The following TBC1D19 variants were observed in gnomAD, a reference collection of about 807,000 sequenced individuals.
TBC1D19 encodes the protein TBC1 domain family member 19.
A neutral mutation model predicts 89.0 loss-of-function variants in TBC1D19; 60 were observed. That is an observed-to-expected ratio of 0.67 (90% CI 0.55 to 0.84). The LOEUF (loss-of-function observed/expected upper bound fraction) is 0.84, where lower values mean the gene tolerates loss of function less well. TBC1D19 is among the 40% of genes least tolerant of loss of function. The pLI is 0.00. For synonymous variants in TBC1D19, 189 were observed against 199.7 expected (o/e 0.95, Z 0.45); for missense variants, 500 against 610.8 (o/e 0.82, Z 1.91).
the TBC1D19 span, among the ~76,000 whole-genome samples, chr4:26,828,989 T>C: frequency 1.3e-5 from 2 of 152,230 alleles, no homozygotes; most frequent in East Asian, 3.8e-4. Flanking sequence ...TTAGTCACTG[T>C]ATTTACAACT....
chr4:26,851,716 CT>C, the TBC1D19 span, among the ~76,000 whole-genome samples: 1 of 152,084 alleles, frequency 6.6e-6, no homozygotes, highest in African/African-American at 2.4e-5. Context: ...AGTACGAGTT[CT>C]TTTTTTATTT....
At chr4:26,588,426 G>C (rs1387001175) in intron 1 of TBC1D19, among the ~76,000 whole-genome samples, 1 of 151,766 alleles carries the variant, frequency 6.6e-6, no homozygotes, top group African/African-American at 2.4e-5. Flanking sequence ...GTTTTCAATC[G>C]CTCTGATTTT....
At chr4:26,700,618 T>G (rs1715240910) in intron 13 of TBC1D19, among the ~76,000 whole-genome samples, 1 of 152,222 alleles carries the variant, frequency 6.6e-6, no homozygotes, top group Non-Finnish European at 1.5e-5. Context: ...ACAGATTGTT[T>G]ATTCTTTTTA....
intron 1 of TBC1D19, among the ~76,000 whole-genome samples, chr4:26,585,576 C>T (rs1248958961): frequency 6.6e-6 from 1 of 151,922 alleles, no homozygotes; most frequent in Non-Finnish European, 1.5e-5. Flanking sequence ...TATTTTCTCC[C>T]AGTCTGTGGA....
chr4:26,699,148 A>T (rs1377805518), intron 13 of TBC1D19, among the ~76,000 whole-genome samples: 1 of 152,222 alleles, frequency 6.6e-6, no homozygotes, highest in Admixed American at 6.5e-5. Flanking sequence ...ATCTACAAAG[A>T]ACTCAAACAA....
At chr4:26,635,161 G>C (rs1313869926) in intron 4 of TBC1D19, among the ~76,000 whole-genome samples, 1 of 152,026 alleles carries the variant, frequency 6.6e-6, no homozygotes, top group Non-Finnish European at 1.5e-5. Flanking sequence ...ATTTTATTGT[G>C]ATCATTTAAT....
chr4:26,640,520 A>G (rs1446508038), intron 7 of TBC1D19, among the ~76,000 whole-genome samples: 3 of 152,172 alleles, frequency 2.0e-5, no homozygotes, highest in Admixed American at 6.5e-5. Context: ...CTGCATTTCT[A>G]ACTGAGGCAC....
intron 19 of TBC1D19, among the ~76,000 whole-genome samples, chr4:26,753,344 A>G (rs960941253): frequency 6.6e-6 from 1 of 152,158 alleles, no homozygotes; most frequent in African/African-American, 2.4e-5. Flanking sequence ...TAAGACAGTC[A>G]TTAGGCCAGG....
At chr4:26,741,355 T>A in intron 17 of TBC1D19, among the ~76,000 whole-genome samples, 1 of 106,646 alleles carries the variant, frequency 9.4e-6, no homozygotes. Flanking sequence ...AGAGCGAGAC[T>A]CTGTCTCAAA....
chr4:26,754,212 A>C, intron 20 of TBC1D19: 1 of 218,174 alleles, frequency 4.6e-6, no homozygotes, highest in Non-Finnish European at 9.3e-6. Flanking sequence ...TCCATGCATT[A>C]TTTTCACAGA....
the TBC1D19 span, among the ~76,000 whole-genome samples, chr4:26,771,749 T>C: frequency 1.3e-5 from 2 of 152,202 alleles, no homozygotes; most frequent in Admixed American, 6.5e-5. Context: ...CATTGTGCTA[T>C]AGTCAACAAT....
chr4:26,614,886 C>T (rs1410310322), intron 3 of TBC1D19, among the ~76,000 whole-genome samples: 1 of 152,086 alleles, frequency 6.6e-6, no homozygotes, highest in Non-Finnish European at 1.5e-5. Context: ...CCATGTTGGC[C>T]AGTCTAGTCT....
At chr4:26,655,681 A>C (rs1744749517) in intron 7 of TBC1D19, among the ~76,000 whole-genome samples, 1 of 152,218 alleles carries the variant, frequency 6.6e-6, no homozygotes, top group South Asian at 2.1e-4. Flanking sequence ...CAGGCACGGG[A>C]TACAATATCC....
At chr4:26,679,258 T>A (rs1230532999) in intron 11 of TBC1D19, among the ~76,000 whole-genome samples, 1 of 152,108 alleles carries the variant, frequency 6.6e-6, no homozygotes, top group East Asian at 1.9e-4. Context: ...GCCCCCCTGC[T>A]CTGTGCAGCC....
At chr4:26,695,225 G>A (rs1377399663) in intron 13 of TBC1D19, among the ~76,000 whole-genome samples, 1 of 152,210 alleles carries the variant, frequency 6.6e-6, no homozygotes, top group Non-Finnish European at 1.5e-5. Context: ...AGCTTCAGTA[G>A]CCAATTCGAT....
chr4:26,781,428 G>A, the TBC1D19 span, among the ~76,000 whole-genome samples: 1 of 152,100 alleles, frequency 6.6e-6, no homozygotes, highest in Non-Finnish European at 1.5e-5. Flanking sequence ...TCTTCCACTG[G>A]GAGGTCGTGT....
chr4:26,857,078 G>A, the TBC1D19 span, among the ~76,000 whole-genome samples: 14 of 152,130 alleles, frequency 9.2e-5, no homozygotes, highest in African/African-American at 3.4e-4. Flanking sequence ...TGTTTTATTG[G>A]GTTTAGGGAG....
Position 26,739,870 on chromosome 4 carries a change from C to T in TBC1D19, c.1124C>T (p.Pro375Leu), listed in dbSNP as rs957504075. 2 of 1,552,010 alleles carry T rather than the reference C, an allele frequency of 1.3e-6. No homozygotes were observed. The highest frequency in any genetic ancestry group is 1.7e-6 in the Non-Finnish European group (2 of 1,152,422). ...PFHGFSMYVA[P>L]LCFLYHEPSK... ...ATTAATTTTTTTCTTTCAGTTGCAC[C>T]ACTTTGTTTTCTATACCATGAACCT... is the stretch of plus-strand genomic sequence containing the variant. The change falls in exon 17 of 21, where the codon CCA becomes CTA. Residue 375 changes from proline (P) to leucine (L), a missense_variant. Physicochemically the swap from Pro to Leu is moderately conservative, Grantham distance 98 (BLOSUM62 -3). Transcript: ENST00000264866.
At chr4:26,656,987 T>TCTTCTC (rs1553904801) in intron 7 of TBC1D19, among the ~76,000 whole-genome samples, 663 of 17,820 alleles carry the variant, frequency 0.037, 44 homozygotes, top group African/African-American at 0.11. Flanking sequence ...TTCTTCTTCT[T>TCTTCTC]CTTCTCCTTC....
Sources: allele counts gnomAD v4.1 joint callset (sites outside exome capture counted in the v4.1 genomes callset), GRCh38; gene constraint gnomAD v4.1.1; transcripts MANE v1.5; gene names NCBI Gene and HGNC (gene_info 2026-07-23, HGNC 2026-07-21).